MCTP1: variants seen among roughly 807,000 people sequenced by gnomAD.
MCTP1 encodes the protein multiple C2 and transmembrane domain-containing protein 1.
A neutral mutation model predicts 120.6 loss-of-function variants in MCTP1; 69 were observed. That is an observed-to-expected ratio of 0.57 (90% CI 0.47 to 0.70). MCTP1 has a LOEUF of 0.70. Among genes scored for constraint, MCTP1 ranks in the 30% least tolerant of loss-of-function variants. The pLI is 0.00. For missense variants in MCTP1, 1,203 were observed against 1,248.8 expected (o/e 0.96, Z 0.55); for synonymous variants, 529 against 493.1 (o/e 1.07, Z -0.96).
chr5:95,241,725 T>C (rs1009925105), intron 1 of MCTP1, among the ~76,000 whole-genome samples: 1 of 152,216 alleles, frequency 6.6e-6, no homozygotes, highest in African/African-American at 2.4e-5. Flanking sequence ...CCTTCAAATT[T>C]TAGTAGCTGT....
intron 1 of MCTP1, among the ~76,000 whole-genome samples, chr5:95,168,823 T>C (rs1162169514): frequency 6.6e-6 from 1 of 152,226 alleles, no homozygotes; most frequent in Non-Finnish European, 1.5e-5. Flanking sequence ...TTTCTAAATA[T>C]ACAATCATGT....
At chr5:95,094,749 C>A (rs1015700336) in intron 1 of MCTP1, among the ~76,000 whole-genome samples, 1 of 152,094 alleles carries the variant, frequency 6.6e-6, no homozygotes, top group Non-Finnish European at 1.5e-5. Flanking sequence ...TGCTTTATCA[C>A]ATGAAAGCAT....
At chr5:95,079,787 C>G (rs1562124154) in intron 1 of MCTP1, among the ~76,000 whole-genome samples, 1 of 151,760 alleles carries the variant, frequency 6.6e-6, no homozygotes, top group East Asian at 1.9e-4. Context: ...GAAGGAATAA[C>G]TTTTATTAAT....
At chr5:94,744,731 G>A (rs145629416) in intron 19 of MCTP1, among the ~76,000 whole-genome samples, 3,420 of 152,120 alleles carry the variant, frequency 0.022, 68 homozygotes, top group Non-Finnish European at 0.032. Flanking sequence ...GGCTGATCTC[G>A]AACTCCCAAC....
chr5:94,865,928 T>C (rs1229523655), intron 17 of MCTP1, among the ~76,000 whole-genome samples: 1 of 151,918 alleles, frequency 6.6e-6, no homozygotes, highest in South Asian at 2.1e-4. Context: ...ACATAGTAAG[T>C]GCTTAACAAA....
intron 17 of MCTP1, among the ~76,000 whole-genome samples, chr5:94,825,176 A>G: frequency 6.6e-6 from 1 of 152,190 alleles, no homozygotes; most frequent in East Asian, 1.9e-4. Flanking sequence ...GTGGGCATTT[A>G]GTGCCATAAA....
intron 10 of MCTP1, among the ~76,000 whole-genome samples, chr5:94,898,955 C>A: frequency 6.6e-6 from 1 of 152,170 alleles, no homozygotes; most frequent in Non-Finnish European, 1.5e-5. Context: ...GCTGCATCTT[C>A]CTTTCTTTGC....
intron 2 of MCTP1, among the ~76,000 whole-genome samples, chr5:94,995,715 G>A (rs1280246259): frequency 1.3e-5 from 2 of 152,098 alleles, no homozygotes; most frequent in African/African-American, 4.8e-5. Context: ...CTCTCAAATG[G>A]AATAGAGCTC....
chr5:95,183,343 G>C (rs1017134314), intron 1 of MCTP1, among the ~76,000 whole-genome samples: 1 of 151,228 alleles, frequency 6.6e-6, no homozygotes, highest in East Asian at 1.9e-4. Context: ...TGAAACATAG[G>C]AGAAAAATTT....
At chr5:95,236,225 G>C (rs1208491665) in intron 1 of MCTP1, among the ~76,000 whole-genome samples, 1 of 152,116 alleles carries the variant, frequency 6.6e-6, no homozygotes, top group African/African-American at 2.4e-5. Flanking sequence ...ACATGATGAA[G>C]AAAATGCTTT....
At chr5:94,854,748 T>TC in intron 17 of MCTP1, among the ~76,000 whole-genome samples, 1 of 152,068 alleles carries the variant, frequency 6.6e-6, no homozygotes, top group South Asian at 2.1e-4. Flanking sequence ...ACATTCATCT[T>TC]ACTTTCAGCA....
intron 20 of MCTP1, among the ~76,000 whole-genome samples, chr5:94,712,718 G>T (rs1234122857): frequency 1.3e-5 from 2 of 151,946 alleles, no homozygotes; most frequent in Non-Finnish European, 2.9e-5. Context: ...CCAGGTAAAG[G>T]ATCATGCCTT....
intron 1 of MCTP1, among the ~76,000 whole-genome samples, chr5:95,111,774 T>G (rs1349092118): frequency 6.6e-6 from 1 of 152,216 alleles, no homozygotes; most frequent in Non-Finnish European, 1.5e-5. Flanking sequence ...AACTAATTAG[T>G]TGCCTCTGCA....
chr5:94,749,654 C>CAAAAAAAAAAAAAAAAAA (rs57404381), intron 19 of MCTP1, among the ~76,000 whole-genome samples: 1 of 50,962 alleles, frequency 2.0e-5, no homozygotes, highest in African/African-American at 7.9e-5. Flanking sequence ...GACTTCATCT[C>CAAAAAAAAAAAAAAAAAA]AAAAAAAAAA....
rs544017522 is a variant in MCTP1 at position 95,199,732 on chromosome 5, G to A, written c.720+84124C>T. On this transcript the variant is annotated intron_variant, in intron 1 of 22. Transcript: ENST00000515393. Reference sequence around the variant, plus strand: ...AAATTAGCCGGGTGTGGTGGTGCACGCCTGTAATCCCAGCTACTCAGGAGG... The same window carrying A: ...AAATTAGCCGGGTGTGGTGGTGCACACCTGTAATCCCAGCTACTCAGGAGG... Among the ~76,000 whole-genome samples the A allele has an allele frequency of 4.0e-5, 6 of 151,896 alleles. No individual in the cohort carries two copies. In the South Asian group the frequency reaches 1.3e-3, roughly 32 times the overall value.
At chr5:95,207,883 C>A (rs1335024802) in intron 1 of MCTP1, among the ~76,000 whole-genome samples, 2 of 146,874 alleles carry the variant, frequency 1.4e-5, no homozygotes, top group African/African-American at 2.5e-5. Flanking sequence ...ACAACTGCAG[C>A]AGTCACTTTG....
At chr5:94,960,941 T>C (rs1823976020) in intron 2 of MCTP1, among the ~76,000 whole-genome samples, 1 of 152,196 alleles carries the variant, frequency 6.6e-6, no homozygotes, top group African/African-American at 2.4e-5. Context: ...CAAAGGATTA[T>C]AAATCATTCT....
intron 1 of MCTP1, among the ~76,000 whole-genome samples, chr5:95,093,355 T>C (rs1755993280): frequency 6.6e-6 from 1 of 152,192 alleles, no homozygotes; most frequent in African/African-American, 2.4e-5. Flanking sequence ...GGGCCAGTGA[T>C]TGCTGTGTGC....
chr5:94,995,744 G>A (rs1386415994), intron 2 of MCTP1, among the ~76,000 whole-genome samples: 2 of 152,116 alleles, frequency 1.3e-5, no homozygotes, highest in African/African-American at 2.4e-5. Context: ...ATTGGTTTTT[G>A]AGATTAATAG....
Sources: allele counts gnomAD v4.1 joint callset (sites outside exome capture counted in the v4.1 genomes callset), GRCh38; gene constraint gnomAD v4.1.1; transcripts MANE v1.5; gene names NCBI Gene and HGNC (gene_info 2026-07-23, HGNC 2026-07-21).